IL18RAP: variants seen among roughly 807,000 people sequenced by gnomAD.
IL18RAP encodes the protein interleukin 18 receptor accessory protein, also known as interleukin-18 receptor accessory protein.
Under a neutral mutation model 58.1 loss-of-function variants are expected in IL18RAP, and 37 were observed. The ratio of observed to expected loss-of-function variants is 0.64; its 90% CI spans 0.49 to 0.84. The LOEUF (loss-of-function observed/expected upper bound fraction) is 0.84, where lower values mean the gene tolerates loss of function less well. Among genes scored for constraint, IL18RAP ranks in the 40% least tolerant of loss-of-function variants. The pLI is 0.00. For synonymous variants in IL18RAP, 268 were observed against 257.5 expected, an observed-to-expected ratio of 1.04 and a Z score of -0.39; for missense variants, 667 against 704.8, an observed-to-expected ratio of 0.95 and a Z score of 0.61.
chr2:102,431,976 G>A lies in IL18RAP; in HGVS notation c.580-5236G>A, dbSNP rs568140381. Among the ~76,000 whole-genome samples the A allele has an allele frequency of 4.8e-4, 73 of 152,130 alleles. 1 individual carries two copies. Among genetic ancestry groups the A allele is most frequent in the Non-Finnish European group, 8.1e-4 (55 of 67,994 alleles). ...AGCTTTCTTAGTTTCTTTTGATGGT[G>A]ACATATTTCCTTGATTTTTCATAAT... is the stretch of plus-strand genomic sequence containing the variant. On this transcript the variant is annotated intron_variant, in intron 3 of 9. Coordinates refer to ENST00000687160, the MANE Select transcript of IL18RAP (RefSeq NM_001393487.1).
intron 4 of IL18RAP, among the ~76,000 whole-genome samples, chr2:102,438,143 C>A (rs1005353711): frequency 1.3e-5 from 2 of 152,226 alleles, no homozygotes; most frequent in East Asian, 1.9e-4. Flanking sequence ...GGCTTTCTTC[C>A]GCAACTTGTC....
At chr2:102,418,751 T>C (rs1681394480), upstream of IL18RAP, 1 of 152,342 alleles carries the variant, frequency 6.6e-6, no homozygotes, top group Non-Finnish European at 1.5e-5. Context: ...AATCCTTTAT[T>C]TTTGAGCTGG....
chr2:102,437,782 C>A (rs922860490), intron 4 of IL18RAP, among the ~76,000 whole-genome samples: 2 of 152,146 alleles, frequency 1.3e-5, no homozygotes, highest in Non-Finnish European at 2.9e-5. Context: ...CATTCTCTTC[C>A]AGGCCTTTGC....
At chr2:102,451,142 C>A in intron 9 of IL18RAP, 121 bp downstream of exon 9, 1 of 714,996 alleles carries the variant, frequency 1.4e-6, no homozygotes, top group Non-Finnish European at 2.2e-6. Context: ...GAGGTTAGAA[C>A]ATCTTGGGCA....
At position 102,423,333 on chromosome 2, in the gene IL18RAP, GATTTA is replaced by G; in HGVS notation, c.59_63del (p.Phe20TyrfsTer18). The G allele has an allele frequency of 6.2e-7, 1 of 1,613,942 alleles. No homozygotes were observed. The highest frequency in any genetic ancestry group is 1.7e-5 in the Admixed American group (1 of 60,018). ...CTTGTTGCAGGAGAGCGAATTAAAG[GATTTA>G]ATATTTCAGGTAGGGGTTTTCACTT... is the stretch of plus-strand genomic sequence containing the variant. On this transcript the variant is annotated frameshift_variant, in exon 1 of 10. Coordinates refer to ENST00000687160, the MANE Select transcript of IL18RAP (RefSeq NM_001393487.1). LOFTEE classifies it high-confidence loss of function.
chr2:102,418,768 G>C (rs557272477), upstream of IL18RAP: 1 of 152,166 alleles, frequency 6.6e-6, no homozygotes, highest in Non-Finnish European at 1.5e-5. Flanking sequence ...CTGGTGTAAC[G>C]TGGCTATTGT....
intron 5 of IL18RAP, among the ~76,000 whole-genome samples, chr2:102,442,745 A>AT (rs78796646): frequency 0.26 from 39,206 of 152,102 alleles, 5,356 homozygotes; most frequent in East Asian, 0.4. Flanking sequence ...TATCGAAATA[A>AT]TTTTTTTATT....
intron 9 of IL18RAP, 49 bp downstream of exon 9, chr2:102,451,070 A>G (rs761864367): frequency 4.9e-6 from 7 of 1,430,938 alleles, no homozygotes; most frequent in East Asian, 4.7e-5. Context: ...GGGCAGTTCA[A>G]TGCAATCCCC....
At chr2:102,451,070 A>T (rs761864367) in intron 9 of IL18RAP, 49 bp downstream of exon 9, 1 of 1,430,938 alleles carries the variant, frequency 7.0e-7, no homozygotes, top group Non-Finnish European at 9.4e-7. Flanking sequence ...GGGCAGTTCA[A>T]TGCAATCCCC....
intron 7 of IL18RAP, 46 bp from the exon 8 acceptor site, chr2:102,447,024 A>G: frequency 1.3e-6 from 2 of 1,598,678 alleles, no homozygotes; most frequent in Non-Finnish European, 1.7e-6. Context: ...GTCTTGGTCC[A>G]ATCCCGCTGC....
intron 3 of IL18RAP, among the ~76,000 whole-genome samples, chr2:102,426,717 A>G (rs1483200596): frequency 6.6e-6 from 1 of 152,172 alleles, no homozygotes; most frequent in Admixed American, 6.6e-5. Context: ...AACTCAAGCT[A>G]ATTAACACAT....
At chr2:102,422,584 A>G (rs885088), upstream of IL18RAP, among the ~76,000 whole-genome samples, 81,326 of 151,996 alleles carry the variant, frequency 0.54, 23,612 homozygotes, top group African/African-American at 0.73. Flanking sequence ...TGCCTTATCA[A>G]GAGAGGGGAC....
chr2:102,441,411 G>A (rs901192452), intron 5 of IL18RAP, 34 bp downstream of exon 5: 10 of 1,541,736 alleles, frequency 6.5e-6, no homozygotes, highest in South Asian at 2.2e-5. Flanking sequence ...GAATGACATC[G>A]TGCTGCTGGG....
chr2:102,444,673 G>A (rs777509073), intron 6 of IL18RAP, among the ~76,000 whole-genome samples: 1 of 152,198 alleles, frequency 6.6e-6, no homozygotes, highest in South Asian at 2.1e-4. Context: ...GTGGAGCAGC[G>A]TGGCACAAGC....
intron 4 of IL18RAP, among the ~76,000 whole-genome samples, chr2:102,440,994 G>T (rs147638365): frequency 2.2e-3 from 331 of 152,274 alleles, no homozygotes; most frequent in African/African-American, 6.6e-3. Flanking sequence ...GCACCACAAA[G>T]AAATCTTGTG....
chr2:102,448,016 G>A (rs545020630), intron 8 of IL18RAP, among the ~76,000 whole-genome samples: 1 of 152,254 alleles, frequency 6.6e-6, no homozygotes, highest in South Asian at 2.1e-4. Flanking sequence ...TTACAGCCGT[G>A]AGCCACCGTG....
chr2:102,444,826 G>A (rs11123928), intron 6 of IL18RAP, among the ~76,000 whole-genome samples: 36,894 of 152,096 alleles, frequency 0.24, 4,880 homozygotes, highest in East Asian at 0.4. Flanking sequence ...GAGGACATTA[G>A]AGTCCATATT....
At chr2:102,442,512 T>G (rs1441258618) in intron 5 of IL18RAP, among the ~76,000 whole-genome samples, 2 of 152,082 alleles carry the variant, frequency 1.3e-5, no homozygotes, top group East Asian at 3.9e-4. Context: ...ATTCATATAG[T>G]CAAGTTACAT....
Position 102,450,875 on chromosome 2 carries a change from C to G in IL18RAP, c.1238C>G (p.Ser413Cys). ...GDKKDFDAFV[S>C]YAKWSSFPSE... ...AAAAAGGATTTTGATGCTTTCGTAT[C>G]CTATGCAAAATGGAGCTCTTTTCCA... Residue 413 changes from serine (S) to cysteine (C), a missense_variant, in exon 9 of 10, where the codon TCC (serine) becomes TGC (cysteine). Coordinates refer to ENST00000687160, the MANE Select transcript of IL18RAP (RefSeq NM_001393487.1). The G allele has an allele frequency of 6.2e-7, 1 of 1,604,426 alleles. No homozygotes were observed. Among genetic ancestry groups the G allele is most frequent in the Non-Finnish European group, 8.5e-7 (1 of 1,176,778 alleles).
Sources: allele counts gnomAD v4.1 joint callset (sites outside exome capture counted in the v4.1 genomes callset), GRCh38; gene constraint gnomAD v4.1.1; transcripts MANE v1.5; gene names NCBI Gene and HGNC (gene_info 2026-07-23, HGNC 2026-07-21).